The following CCDC88A variants were observed in gnomAD, a reference collection of about 807,000 sequenced individuals.
CCDC88A encodes the protein girdin.
A neutral mutation model predicts 234.3 loss-of-function variants in CCDC88A; 54 were observed. That is an observed-to-expected ratio of 0.23 (90% CI 0.19 to 0.29). The LOEUF (loss-of-function observed/expected upper bound fraction) is 0.29, where lower values mean the gene tolerates loss of function less well. CCDC88A is among the 10% of genes least tolerant of loss of function. CCDC88A has a pLI of 1.00. For synonymous variants in CCDC88A, 753 were observed against 737.8 expected (o/e 1.02, Z -0.33); for missense variants, 1,832 against 2,123.4 (o/e 0.86, Z 2.70).
At chr2:55,307,785 C>T (rs987433098) in intron 25 of CCDC88A, among the ~76,000 whole-genome samples, 2 of 148,320 alleles carry the variant, frequency 1.3e-5, no homozygotes, top group African/African-American at 5.2e-5. Flanking sequence ...TGTAACTGGC[C>T]CCCACATCTC....
In CCDC88A at chr2:55,301,906, TGCA is replaced by T; in HGVS notation, c.4635_4637del (p.Ala1546del). The T allele has an allele frequency of 6.2e-7, 1 of 1,614,196 alleles. No homozygotes were observed. Among genetic ancestry groups the T allele is most frequent in the East Asian group, 2.2e-5 (1 of 44,888 alleles). Reference sequence around the variant, plus strand: ...TAACCAACTGCTTGGATCTGAAGCCTGCAGAAGAGTTGACAGTTGAAAAGTTGA... The same window carrying T: ...TAACCAACTGCTTGGATCTGAAGCCTGAAGAGTTGACAGTTGAAAAGTTGA... On this transcript the variant is annotated inframe_deletion, in exon 27 of 33. Transcript: ENST00000436346.
At chr2:55,311,673 G>T (rs1370213643) in intron 23 of CCDC88A, among the ~76,000 whole-genome samples, 4 of 152,186 alleles carry the variant, frequency 2.6e-5, no homozygotes, top group African/African-American at 9.7e-5. Context: ...CTTCTCATTT[G>T]TGGGGCAAAG....
At chr2:55,416,455 T>A (rs1349427240) in intron 2 of CCDC88A, among the ~76,000 whole-genome samples, 1 of 80,488 alleles carries the variant, frequency 1.2e-5, no homozygotes, top group South Asian at 3.5e-4. Flanking sequence ...TATATATATA[T>A]ATATATATAT....
intron 2 of CCDC88A, among the ~76,000 whole-genome samples, chr2:55,402,488 G>A (rs1205834943): frequency 6.6e-6 from 1 of 152,066 alleles, no homozygotes; most frequent in Non-Finnish European, 1.5e-5. Context: ...AATTCAGTAA[G>A]GGTTATTTCT....
chr2:55,355,684 T>C lies in CCDC88A; in HGVS notation c.695A>G (p.Gln232Arg), dbSNP rs144507962. 6 of 1,613,948 alleles carry C rather than the reference T, an allele frequency of 3.7e-6. No individual in the cohort carries two copies. The highest frequency in any genetic ancestry group is 1.6e-4 in the Middle Eastern group (1 of 6,084). Residue 232 changes from glutamine to arginine, a missense_variant, in exon 8 of 33, where the codon CAG (glutamine) becomes CGG (arginine). Physicochemically the swap from Gln to Arg is conservative, Grantham distance 43 (BLOSUM62 1). This residue lies in a region of CCDC88A where 1,282 missense variants were observed against 1,543.6 expected (regional missense o/e 0.83). Coordinates refer to ENST00000436346, the MANE Select transcript of CCDC88A (RefSeq NM_001365480.1). Reference protein sequence around the residue: ...HFLPHASSSAQSPCGSPGMKR... With the variant: ...HFLPHASSSARSPCGSPGMKR... ...CATGCCTGGAGAACCACAGGGTGAC[T>C]GTGCAGATGAAGAGGCATGGGGTAG...
chr2:55,299,878 T>C lies in CCDC88A; in HGVS notation c.4786A>G (p.Ser1596Gly). 1 of 1,613,734 alleles carries C rather than the reference T, an allele frequency of 6.2e-7. No homozygotes were observed. The highest frequency in any genetic ancestry group is 8.5e-7 in the Non-Finnish European group (1 of 1,179,728). ...ASLDSGRTST[S>G]NSNNNASLHE... ...AGTGAAGCATTATTATTGCTATTGC[T>C]AGTGGATGTTCTGCCACTATCAAGG... Residue 1596 changes from serine (S) to glycine (G), a missense_variant, in exon 29 of 33, where the codon AGC (serine) becomes GGC (glycine). Transcript: ENST00000436346.
chr2:55,316,026 T>G lies in CCDC88A; in HGVS notation c.3835A>C (p.Lys1279Gln), dbSNP rs748517966. Reference protein sequence around the residue: ...KNLKSLLNNSKLEQTRLEAEF... With the variant: ...KNLKSLLNNSQLEQTRLEAEF... ...GCTTCTAATCTTGTTTGTTCCAGTTTGGAATTATTCAGAAGACTTTTCAAA... is the reference window on the plus strand; with the variant it reads ...GCTTCTAATCTTGTTTGTTCCAGTTGGGAATTATTCAGAAGACTTTTCAAA... Residue 1279 changes from lysine to glutamine, a missense_variant, in exon 22 of 33, where the codon AAA becomes CAA. Around this residue, in one of 6 missense-constraint regions of CCDC88A, gnomAD observed 1,282 missense variants for 1,543.6 expected, o/e 0.83. Transcript: ENST00000436346. 75 of 1,590,848 alleles carry G rather than the reference T, an allele frequency of 4.7e-5. No individual in the cohort carries two copies. The highest frequency in any genetic ancestry group is 6.3e-5 in the Non-Finnish European group (74 of 1,166,834).
chr2:55,303,031 A>C, intron 26 of CCDC88A, 38 bp downstream of exon 26: 6 of 1,205,910 alleles, frequency 5.0e-6, no homozygotes, highest in Non-Finnish European at 7.2e-6. Flanking sequence ...AAGCCAGTGT[A>C]GTCAGTTGAA....
At chr2:55,412,610 T>C (rs1680682128) in intron 2 of CCDC88A, among the ~76,000 whole-genome samples, 2 of 152,212 alleles carry the variant, frequency 1.3e-5, no homozygotes, top group Admixed American at 1.3e-4. Flanking sequence ...AGTTTCATCC[T>C]GAAACCATCT....
chr2:55,414,206 A>C (rs1478100355), intron 2 of CCDC88A, among the ~76,000 whole-genome samples: 1 of 152,232 alleles, frequency 6.6e-6, no homozygotes, highest in Non-Finnish European at 1.5e-5. Context: ...CCATATTTTC[A>C]ACCGTTTGGG....
intron 5 of CCDC88A, among the ~76,000 whole-genome samples, chr2:55,371,358 C>A (rs546015153): frequency 1.3e-5 from 2 of 152,234 alleles, no homozygotes; most frequent in South Asian, 4.1e-4. Flanking sequence ...TAAAAGCCAA[C>A]ACTGGGACAT....
intron 7 of CCDC88A, among the ~76,000 whole-genome samples, chr2:55,359,868 G>A (rs10194425): frequency 0.39 from 50,090 of 129,114 alleles, 8,582 homozygotes; most frequent in East Asian, 0.65. Context: ...ACAAAAACAG[G>A]TGACCTATTA....
At chr2:55,398,641 G>A (rs532848841) in intron 2 of CCDC88A, among the ~76,000 whole-genome samples, 66 of 151,746 alleles carry the variant, frequency 4.3e-4, no homozygotes, top group African/African-American at 1.2e-3. Context: ...GGCTGGCAAC[G>A]ATGGCTTACG....
chr2:55,414,692 T>C (rs1041148675), intron 2 of CCDC88A, among the ~76,000 whole-genome samples: 3 of 144,022 alleles, frequency 2.1e-5, no homozygotes, highest in Non-Finnish European at 4.5e-5. Context: ...AGAGTCTGGG[T>C]GCAAAACAGC....
chr2:55,346,993 T>C (rs957751710), intron 9 of CCDC88A, among the ~76,000 whole-genome samples: 2 of 152,156 alleles, frequency 1.3e-5, no homozygotes, highest in South Asian at 4.1e-4. Context: ...TTAACATCTA[T>C]GTAACAACCA....
intron 3 of CCDC88A, among the ~76,000 whole-genome samples, chr2:55,387,156 A>G: frequency 7.4e-6 from 1 of 135,102 alleles, no homozygotes; most frequent in African/African-American, 2.7e-5. Context: ...CAGCCAGGGC[A>G]ACAGATTGAG....
At chr2:55,367,103 G>C (rs1310995909) in intron 5 of CCDC88A, among the ~76,000 whole-genome samples, 5 of 152,156 alleles carry the variant, frequency 3.3e-5, no homozygotes, top group Admixed American at 2.6e-4. Context: ...ACATGCTATA[G>C]CATGAAAAAA....
chr2:55,305,783 T>C (rs552304930), intron 25 of CCDC88A, among the ~76,000 whole-genome samples: 21 of 151,886 alleles, frequency 1.4e-4, no homozygotes, highest in Non-Finnish European at 2.6e-4. Context: ...ATCCCTTGAG[T>C]CCAGAAGTTC....
intron 25 of CCDC88A, chr2:55,308,540 T>C (rs1196072010): frequency 5.6e-6 from 2 of 358,982 alleles, no homozygotes; most frequent in Non-Finnish European, 1.0e-5. Flanking sequence ...TTAACAGAAA[T>C]AGCAAGTGGC....
Sources: allele counts gnomAD v4.1 joint callset (sites outside exome capture counted in the v4.1 genomes callset), GRCh38; gene constraint gnomAD v4.1.1; regional missense constraint gnomAD v4.1.1; transcripts MANE v1.5; gene names NCBI Gene and HGNC (gene_info 2026-07-23, HGNC 2026-07-21).